SIK3: variants seen among roughly 807,000 people sequenced by gnomAD.
The protein encoded by SIK3 is SIK family kinase 3.
In SIK3, 28 loss-of-function variants were observed where a neutral mutation model predicts 144.2. The ratio of observed to expected loss-of-function variants is 0.19; its 90% CI spans 0.14 to 0.27. The LOEUF (loss-of-function observed/expected upper bound fraction) is 0.27, where lower values mean the gene tolerates loss of function less well. Among genes scored for constraint, SIK3 ranks in the 10% least tolerant of loss-of-function variants. The pLI is 1.00. For synonymous variants in SIK3, 686 were observed against 676.3 expected (o/e 1.01, Z -0.22); for missense variants, 1,319 against 1,776.0 (o/e 0.74, Z 4.62).
At chr11:116,940,344 C>T (rs1028906762) in intron 3 of SIK3, among the ~76,000 whole-genome samples, 5 of 151,648 alleles carry the variant, frequency 3.3e-5, no homozygotes, top group African/African-American at 9.7e-5. Context: ...ATTCTTGTAC[C>T]TCAGCCTCCC....
intron 4 of SIK3, among the ~76,000 whole-genome samples, chr11:116,920,749 G>A (rs1248824722): frequency 3.9e-5 from 6 of 152,192 alleles, no homozygotes; most frequent in South Asian, 4.1e-4. Context: ...ACTTCAGTTC[G>A]ACAAAGCTGG....
intron 3 of SIK3, among the ~76,000 whole-genome samples, chr11:116,940,340 G>A (rs1948219250): frequency 6.8e-6 from 1 of 148,082 alleles, no homozygotes; most frequent in Non-Finnish European, 1.5e-5. Flanking sequence ...AGTGATTCTT[G>A]TACCTCAGCC....
intron 1 of SIK3, among the ~76,000 whole-genome samples, chr11:117,063,804 T>C (rs1387832363): frequency 1.3e-5 from 2 of 151,996 alleles, no homozygotes; most frequent in Admixed American, 1.3e-4. Context: ...TGATCTCAAG[T>C]GATTCGCCCC....
At chr11:117,023,621 A>AAATAT (rs754624841) in intron 1 of SIK3, among the ~76,000 whole-genome samples, 85 of 95,346 alleles carry the variant, frequency 8.9e-4, no homozygotes, top group African/African-American at 1.2e-3. Context: ...AAAAAAAAAA[A>AAATAT]ATATATATAT....
At chr11:117,081,165 T>A (rs1314234819) in intron 1 of SIK3, among the ~76,000 whole-genome samples, 6 of 151,950 alleles carry the variant, frequency 3.9e-5, no homozygotes, top group Non-Finnish European at 7.4e-5. Context: ...TTAAAAAAAA[T>A]TTTTACCATG....
At chr11:117,022,108 T>C (rs570941788) in intron 1 of SIK3, among the ~76,000 whole-genome samples, 115 of 152,264 alleles carry the variant, frequency 7.6e-4, no homozygotes, top group Non-Finnish European at 9.4e-4. Flanking sequence ...TATTTTATTC[T>C]ACCCATTGCT....
chr11:117,005,822 T>G (rs773541394), intron 1 of SIK3, among the ~76,000 whole-genome samples: 6 of 152,080 alleles, frequency 3.9e-5, no homozygotes, highest in Admixed American at 2.0e-4. Context: ...AGGCAGGATA[T>G]CCAGCATGTT....
intron 3 of SIK3, among the ~76,000 whole-genome samples, chr11:116,938,591 G>A: frequency 1.5e-5 from 1 of 65,006 alleles, no homozygotes; most frequent in Non-Finnish European, 2.8e-5. Context: ...GGGAGGAGAG[G>A]AGAGGGGAGG....
At position 116,861,302 on chromosome 11, in the gene SIK3, G is replaced by C. The variant is rs1331821503; in HGVS notation, c.2397C>G (p.Pro799=). ...GAGGCTGGATCATGGCACTGCTCAT[G>C]GGGGGAGGACTATTACTGGGCTGCC... The part of the protein sequence containing the change: ...LFRQPSNSPP[P]MSSAMIQPHG... Residue 799 remains proline (P), a synonymous_variant, in exon 19 of 25, where the codon CCC becomes CCG. Coordinates refer to ENST00000445177, the MANE Select transcript of SIK3 (RefSeq NM_001366686.3). 4 of 1,594,586 alleles carry C rather than the reference G, an allele frequency of 2.5e-6. No individual in the cohort carries two copies. The highest frequency in any genetic ancestry group is 1.1e-5 in the South Asian group (1 of 87,888).
At position 117,089,343 on chromosome 11, in the gene SIK3, CT is replaced by C. The variant is rs1169496015; in HGVS notation, c.273+8799del. Among the ~76,000 whole-genome samples the C allele has an allele frequency of 8.7e-5, 13 of 150,256 alleles. No individual in the cohort carries two copies. The Admixed American group carries it at 8.7e-4, about 10-fold the overall frequency. On this transcript the variant is annotated intron_variant, in intron 1 of 24. Transcript: ENST00000445177. ...AACGGCGTGAACCCGAGAGGTGGAG[CT>C]TGCAGTGAGCCAAGATCGCGCCACT...
intron 1 of SIK3, among the ~76,000 whole-genome samples, chr11:116,965,734 A>AATATATATATATATATAT (rs58587995): frequency 2.1e-4 from 25 of 118,346 alleles, no homozygotes; most frequent in African/African-American, 5.5e-4. Context: ...TCTCTGCTAA[A>AATATATATATATATATAT]ATATATATAT....
At chr11:117,044,777 C>T (rs1360452055) in intron 1 of SIK3, among the ~76,000 whole-genome samples, 2 of 152,122 alleles carry the variant, frequency 1.3e-5, no homozygotes, top group East Asian at 3.8e-4. Flanking sequence ...CCCAGCTACT[C>T]ACAGGTGAGG....
At chr11:116,927,058 T>C (rs1025811630) in intron 4 of SIK3, among the ~76,000 whole-genome samples, 161 bp downstream of exon 4, 3 of 151,382 alleles carry the variant, frequency 2.0e-5, no homozygotes, top group Non-Finnish European at 4.4e-5. Flanking sequence ...GAAGTACTTT[T>C]AAAGTTTATC....
At position 116,896,388 on chromosome 11, in the gene SIK3, A is replaced by G; in HGVS notation, c.742-12T>C. On this transcript the variant is annotated splice_polypyrimidine_tract_variant and intron_variant, in intron 5 of 24. Coordinates refer to ENST00000445177, the MANE Select transcript of SIK3 (RefSeq NM_001366686.3). The stretch of plus-strand genomic sequence containing the variant: ...ACAACTCCAAGGCTCTGCATCCCAA[A>G]CAGAGAGGATGTACAATTAATCACA... 2 of 1,612,538 alleles carry G rather than the reference A, an allele frequency of 1.2e-6. No individual in the cohort carries two copies. The highest frequency in any genetic ancestry group is 1.7e-6 in the Non-Finnish European group (2 of 1,178,806).
chr11:116,899,360 T>C (rs951116856), intron 4 of SIK3, among the ~76,000 whole-genome samples: 2 of 152,166 alleles, frequency 1.3e-5, no homozygotes, highest in Non-Finnish European at 2.9e-5. Flanking sequence ...TACCATGCTG[T>C]TTTGGTTACT....
chr11:117,078,596 T>C (rs1954655268), intron 1 of SIK3, among the ~76,000 whole-genome samples: 1 of 151,954 alleles, frequency 6.6e-6, no homozygotes, highest in South Asian at 2.1e-4. Context: ...AGAGATGGGG[T>C]TTCACCATGT....
At chr11:116,899,032 A>G (rs1475105132) in intron 4 of SIK3, among the ~76,000 whole-genome samples, 4 of 151,380 alleles carry the variant, frequency 2.6e-5, no homozygotes, top group South Asian at 2.1e-4. Flanking sequence ...TGTTTTAGAC[A>G]TGAAGTCCTT....
intron 4 of SIK3, among the ~76,000 whole-genome samples, chr11:116,916,269 A>G (rs1946626701): frequency 6.6e-6 from 1 of 152,178 alleles, no homozygotes; most frequent in Admixed American, 6.5e-5. Context: ...TGAAATACCC[A>G]TGCCTACCAC....
At chr11:116,947,108 C>A (rs1388234975) in intron 3 of SIK3, among the ~76,000 whole-genome samples, 3 of 6,654 alleles carry the variant, frequency 4.5e-4, no homozygotes, top group Non-Finnish European at 3.8e-4. Context: ...GAGACTTCGT[C>A]TCAAAAAAAT....
Sources: gnomAD v4.1 joint callset for allele counts (sites outside exome capture counted in the v4.1 genomes callset) on GRCh38, gnomAD v4.1.1 for gene constraint, MANE v1.5 for transcripts, NCBI Gene and HGNC (gene_info 2026-07-23, HGNC 2026-07-21) for gene names.